CDH8: variants seen among roughly 807,000 people sequenced by gnomAD.
CDH8 encodes the protein cadherin 8.
A neutral mutation model predicts 68.1 loss-of-function variants in CDH8; 17 were observed. The observed-to-expected ratio is 0.25, with a 90% confidence interval of 0.17 to 0.37. The LOEUF is 0.37. Among genes scored for constraint, CDH8 ranks in the 10% least tolerant of loss-of-function variants. The pLI is 1.00. For missense variants in CDH8, 763 were observed against 999.3 expected (o/e 0.76, Z 3.19); for synonymous variants, 372 against 365.1 (o/e 1.02, Z -0.21).
rs1370590728 is a variant in CDH8, at chr16:61,783,731, C to T, written c.1414+5615G>A. On this transcript the variant is annotated intron_variant, in intron 8 of 11. Transcript: ENST00000577390. ...AAAGGGAAGCCCATCAGACTAACAG[C>T]GGATCTCTCGGCAGAAACCCTACAA... 2.8e-3 allele frequency among the ~76,000 whole-genome samples: 431 copies of T among 151,732 alleles called. 1 individual carries two copies. Among genetic ancestry groups the T allele is most frequent in the South Asian group, 7.1e-3 (34 of 4,790 alleles).
intron 8 of CDH8, among the ~76,000 whole-genome samples, chr16:61,772,715 T>G (rs899042771): frequency 6.6e-6 from 1 of 152,060 alleles, no homozygotes; most frequent in Admixed American, 6.6e-5. Context: ...GAATTAAGAC[T>G]GCGGGGATTA....
At chr16:61,837,135 CCCT>C (rs149615615) in intron 4 of CDH8, among the ~76,000 whole-genome samples, 1 of 151,710 alleles carries the variant, frequency 6.6e-6, no homozygotes, top group African/African-American at 2.4e-5. Context: ...AATAGAATTT[CCCT>C]CCTCCTCCTC....
chr16:61,751,710 T>C (rs1960170643), intron 8 of CDH8, among the ~76,000 whole-genome samples: 1 of 152,078 alleles, frequency 6.6e-6, no homozygotes, highest in African/African-American at 2.4e-5. Context: ...GCAGGAAACA[T>C]ATTTCCTTTC....
Position 61,817,532 on chromosome 16 carries a change from G to T in CDH8, c.1224C>A (p.Ser408=), listed in dbSNP as rs531546217. 1 of 1,613,734 alleles carries T rather than the reference G, an allele frequency of 6.2e-7. No individual in the cohort carries two copies. Among genetic ancestry groups the T allele is most frequent in the African/African-American group, 1.3e-5 (1 of 74,858 alleles). Residue 408 remains serine, a synonymous_variant, in exon 7 of 12, where the codon TCC becomes TCA. Coordinates refer to ENST00000577390, the MANE Select transcript of CDH8 (RefSeq NM_001796.5). ...LEVHENAALN[S]VIGQVTARDP... is the part of the protein sequence containing the mutation. ...CACGAGCAGTCACTTGCCCAATCACGGAGTTTAGAGCAGCATTTTCATGAA... is the reference window on the plus strand; with the variant it reads ...CACGAGCAGTCACTTGCCCAATCACTGAGTTTAGAGCAGCATTTTCATGAA...
At chr16:61,803,696 C>T (rs1457326703) in intron 7 of CDH8, among the ~76,000 whole-genome samples, 1 of 149,506 alleles carries the variant, frequency 6.7e-6, no homozygotes, top group Non-Finnish European at 1.5e-5. Flanking sequence ...GACTTTAAAC[C>T]AACAAAGATC....
intron 7 of CDH8, among the ~76,000 whole-genome samples, chr16:61,804,496 CA>C (rs558750317): frequency 6.7e-6 from 1 of 150,196 alleles, no homozygotes; most frequent in East Asian, 2.0e-4. Context: ...AATAGAGACA[CA>C]AAAAACCCTT....
chr16:61,861,482 C>T (rs1254650706), intron 3 of CDH8, among the ~76,000 whole-genome samples: 1 of 152,158 alleles, frequency 6.6e-6, no homozygotes, highest in Non-Finnish European at 1.5e-5. Flanking sequence ...TGAGAGGCAG[C>T]CCATCATGTT....
At chr16:61,713,718 T>G (rs1964671394) in intron 10 of CDH8, 123 bp downstream of exon 10, 1 of 607,438 alleles carries the variant, frequency 1.6e-6, no homozygotes. Flanking sequence ...ACTGATAAGC[T>G]GAATTTCAAG....
intron 8 of CDH8, among the ~76,000 whole-genome samples, chr16:61,775,820 A>G (rs1343359036): frequency 6.6e-6 from 1 of 152,102 alleles, no homozygotes; most frequent in Non-Finnish European, 1.5e-5. Flanking sequence ...GACCAGAAAG[A>G]GTACCAAAAC....
intron 3 of CDH8, among the ~76,000 whole-genome samples, chr16:61,859,528 C>G (rs1415935289): frequency 3.3e-5 from 5 of 152,168 alleles, no homozygotes; most frequent in African/African-American, 1.2e-4. Context: ...GTGGGCCACT[C>G]TCTCTGTTAG....
At chr16:61,709,085 A>G (rs966611483) in intron 10 of CDH8, among the ~76,000 whole-genome samples, 1 of 151,976 alleles carries the variant, frequency 6.6e-6, no homozygotes, top group African/African-American at 2.4e-5. Flanking sequence ...ACCCAATAAT[A>G]ATGGATCTGC....
intron 10 of CDH8, among the ~76,000 whole-genome samples, chr16:61,695,400 A>G (rs1334284751): frequency 2.6e-5 from 4 of 152,180 alleles, no homozygotes; most frequent in African/African-American, 9.7e-5. Context: ...AAGAGAATCA[A>G]TTCTAGATTT....
At chr16:61,839,167 C>T (rs188732601) in intron 4 of CDH8, among the ~76,000 whole-genome samples, 2 of 152,190 alleles carry the variant, frequency 1.3e-5, no homozygotes, top group Admixed American at 1.3e-4. Context: ...TGCATTGTAT[C>T]ATAGATAGGC....
chr16:61,777,016 G>T (rs892935375), intron 8 of CDH8, among the ~76,000 whole-genome samples: 2 of 151,984 alleles, frequency 1.3e-5, no homozygotes, highest in Non-Finnish European at 2.9e-5. Context: ...GAGAGAAATT[G>T]AGTAACTTAA....
chr16:61,781,659 T>C (rs1054656898), intron 8 of CDH8, among the ~76,000 whole-genome samples: 1 of 152,182 alleles, frequency 6.6e-6, no homozygotes, highest in African/African-American at 2.4e-5. Flanking sequence ...TGAAAATTCT[T>C]TATAATTATT....
chr16:61,933,816 C>T (rs1394874575), intron 2 of CDH8, among the ~76,000 whole-genome samples: 1 of 152,032 alleles, frequency 6.6e-6, no homozygotes, highest in Non-Finnish European at 1.5e-5. Flanking sequence ...TGGTCTAGTA[C>T]ATTTTACATT....
At chr16:61,833,935 C>G (rs144342139) in intron 4 of CDH8, among the ~76,000 whole-genome samples, 2 of 151,996 alleles carry the variant, frequency 1.3e-5, no homozygotes, top group African/African-American at 4.8e-5. Flanking sequence ...ATTTCACCAC[C>G]TCCTCTATTT....
At chr16:62,005,389 T>C (rs1444113218) in intron 2 of CDH8, among the ~76,000 whole-genome samples, 1 of 152,146 alleles carries the variant, frequency 6.6e-6, no homozygotes, top group Non-Finnish European at 1.5e-5. Flanking sequence ...TCTTAGATGA[T>C]GTGAAGCTCA....
At chr16:61,851,570 C>A (rs369975898) in intron 4 of CDH8, among the ~76,000 whole-genome samples, 1 of 151,934 alleles carries the variant, frequency 6.6e-6, no homozygotes, top group African/African-American at 2.4e-5. Flanking sequence ...CAAATTAGTG[C>A]CTTTTAAATA....
Sources: gnomAD v4.1 joint callset for allele counts (sites outside exome capture counted in the v4.1 genomes callset) on GRCh38, gnomAD v4.1.1 for gene constraint, MANE v1.5 for transcripts, NCBI Gene and HGNC (gene_info 2026-07-23, HGNC 2026-07-21) for gene names.